NKAIN2: variants seen among roughly 807,000 people sequenced by gnomAD.
The protein encoded by NKAIN2 is sodium/potassium-transporting ATPase subunit beta-1-interacting protein 2.
A neutral mutation model predicts 32.6 loss-of-function variants in NKAIN2; 14 were observed. The ratio of observed to expected loss-of-function variants is 0.43; its 90% CI spans 0.28 to 0.67. The LOEUF (loss-of-function observed/expected upper bound fraction) is 0.67, where lower values mean the gene tolerates loss of function less well. Among genes scored for constraint, NKAIN2 ranks in the 30% least tolerant of loss-of-function variants. The probability of loss-of-function intolerance (pLI) is 0.17; values close to 1 mark genes in which losing one functional copy is unlikely to be tolerated. For synonymous variants in NKAIN2, 80 were observed against 87.2 expected (o/e 0.92, Z 0.46); for missense variants, 198 against 258.3 (o/e 0.77, Z 1.60).
chr6:124,209,835 T>C (rs1208057151), intron 1 of NKAIN2, among the ~76,000 whole-genome samples: 2 of 151,898 alleles, frequency 1.3e-5, no homozygotes, highest in African/African-American at 4.8e-5. Context: ...GAGCTCCTTA[T>C]ATATTGTGGT....
intron 1 of NKAIN2, among the ~76,000 whole-genome samples, chr6:124,049,404 C>T (rs978289594): frequency 3.3e-5 from 5 of 151,954 alleles, no homozygotes; most frequent in African/African-American, 1.2e-4. Context: ...ATCCAGATCT[C>T]TTCCAGATGT....
In NKAIN2 at chr6:123,826,169, A is replaced by G. The variant is rs180993328; in HGVS notation, c.54+21915A>G. Among the ~76,000 whole-genome samples the G allele has an allele frequency of 1.7e-4, 26 of 152,244 alleles. 1 individual carries two copies. Among genetic ancestry groups the G allele is most frequent in the Admixed American group, 1.1e-3 (17 of 15,278 alleles). ...CATCAGCCCCACCATTAACAGATGCATGACATAAACTCTGGGAAAAGAGAG... is the reference window on the plus strand; with the variant it reads ...CATCAGCCCCACCATTAACAGATGCGTGACATAAACTCTGGGAAAAGAGAG... On this transcript the variant is annotated intron_variant, in intron 1 of 6. Coordinates refer to ENST00000368417, the MANE Select transcript of NKAIN2 (RefSeq NM_001040214.3).
At chr6:124,481,773 T>G (rs1426746066) in intron 3 of NKAIN2, among the ~76,000 whole-genome samples, 1 of 152,134 alleles carries the variant, frequency 6.6e-6, no homozygotes, top group African/African-American at 2.4e-5. Context: ...CTTTGAAATC[T>G]GTGGATCCTG....
chr6:123,863,102 A>G (rs768481987), intron 1 of NKAIN2, among the ~76,000 whole-genome samples: 45 of 152,232 alleles, frequency 3.0e-4, no homozygotes, highest in African/African-American at 8.2e-4. Context: ...TCTCTTGCCA[A>G]CTGGCCTCTG....
At chr6:123,925,070 AT>A in intron 1 of NKAIN2, among the ~76,000 whole-genome samples, 1 of 152,006 alleles carries the variant, frequency 6.6e-6, no homozygotes, top group South Asian at 2.1e-4. Flanking sequence ...CCAGAATGGA[AT>A]TTTTTTTGTT....
At chr6:124,656,023 G>T (rs565270585) in intron 3 of NKAIN2, among the ~76,000 whole-genome samples, 16 of 152,198 alleles carry the variant, frequency 1.1e-4, no homozygotes, top group Non-Finnish European at 2.9e-5. Flanking sequence ...GTCTCTTGTT[G>T]GTTGCCCTTT....
chr6:124,752,301 T>C (rs1057182815), intron 4 of NKAIN2, among the ~76,000 whole-genome samples: 1 of 152,068 alleles, frequency 6.6e-6, no homozygotes, highest in Non-Finnish European at 1.5e-5. Context: ...TTAGATATGT[T>C]TCTTCCTTTA....
chr6:124,795,510 A>G (rs1223444669), intron 5 of NKAIN2, among the ~76,000 whole-genome samples: 2 of 152,174 alleles, frequency 1.3e-5, no homozygotes, highest in Non-Finnish European at 2.9e-5. Flanking sequence ...TATCCTTTTA[A>G]GCAGTATCTC....
At chr6:124,410,543 G>A (rs1488885245) in intron 3 of NKAIN2, among the ~76,000 whole-genome samples, 5 of 152,196 alleles carry the variant, frequency 3.3e-5, no homozygotes, top group African/African-American at 1.2e-4. Flanking sequence ...TAGTTTGATT[G>A]CACTGTGGTC....
At chr6:124,723,177 G>T (rs1258351885) in intron 4 of NKAIN2, among the ~76,000 whole-genome samples, 1 of 152,126 alleles carries the variant, frequency 6.6e-6, no homozygotes, top group African/African-American at 2.4e-5. Flanking sequence ...TATAATAATT[G>T]TCACTTTGCA....
chr6:124,268,356 A>C (rs966492266), intron 1 of NKAIN2, among the ~76,000 whole-genome samples: 5 of 152,208 alleles, frequency 3.3e-5, no homozygotes, highest in Admixed American at 3.3e-4. Flanking sequence ...TCCTAAGCAA[A>C]TTGGACCCCT....
intron 3 of NKAIN2, among the ~76,000 whole-genome samples, chr6:124,370,227 GCT>G (rs1799696347): frequency 6.6e-6 from 1 of 151,260 alleles, no homozygotes; most frequent in South Asian, 2.1e-4. Flanking sequence ...AGGCTATTTA[GCT>G]CTCTTTCTTG....
At chr6:124,022,344 A>G (rs9491046) in intron 1 of NKAIN2, among the ~76,000 whole-genome samples, 34,259 of 152,086 alleles carry the variant, frequency 0.23, 4,841 homozygotes, top group African/African-American at 0.39. Flanking sequence ...GAATAATGCC[A>G]CAATAAACAT....
chr6:124,369,663 A>C (rs1799667656), intron 3 of NKAIN2, among the ~76,000 whole-genome samples: 1 of 152,042 alleles, frequency 6.6e-6, no homozygotes, highest in South Asian at 2.1e-4. Flanking sequence ...CCTGCCTTAC[A>C]TCCCAAAATA....
At chr6:123,840,047 T>C (rs1355327085) in intron 1 of NKAIN2, among the ~76,000 whole-genome samples, 1 of 152,158 alleles carries the variant, frequency 6.6e-6, no homozygotes, top group Non-Finnish European at 1.5e-5. Flanking sequence ...ATTTTTGGCC[T>C]AATATTTTAG....
At chr6:124,368,516 GA>G (rs1231527575) in intron 3 of NKAIN2, among the ~76,000 whole-genome samples, 1 of 152,068 alleles carries the variant, frequency 6.6e-6, no homozygotes, top group Non-Finnish European at 1.5e-5. Context: ...GATGGGTATT[GA>G]AAGAGGGTCC....
chr6:124,032,432 C>A (rs1781447376), intron 1 of NKAIN2, among the ~76,000 whole-genome samples: 1 of 151,984 alleles, frequency 6.6e-6, no homozygotes, highest in East Asian at 1.9e-4. Context: ...AGTGCTGAAC[C>A]CATCTTTTTA....
intron 1 of NKAIN2, among the ~76,000 whole-genome samples, chr6:124,026,546 AG>A (rs1361736026): frequency 2.0e-5 from 3 of 152,148 alleles, no homozygotes; most frequent in Non-Finnish European, 4.4e-5. Flanking sequence ...AAGCCTATAA[AG>A]GGATGACAAA....
At chr6:123,910,773 G>T (rs1223041204) in intron 1 of NKAIN2, among the ~76,000 whole-genome samples, 4 of 151,780 alleles carry the variant, frequency 2.6e-5, no homozygotes, top group African/African-American at 9.7e-5. Context: ...CAAAGTGCTG[G>T]GATTACAGTT....
Sources: gnomAD v4.1 joint callset for allele counts (sites outside exome capture counted in the v4.1 genomes callset) on GRCh38, gnomAD v4.1.1 for gene constraint, MANE v1.5 for transcripts, NCBI Gene and HGNC (gene_info 2026-07-23, HGNC 2026-07-21) for gene names.